The following VIRMA variants were observed in gnomAD, a reference collection of about 807,000 sequenced individuals.
The protein encoded by VIRMA is vir like m6A methyltransferase associated.
In VIRMA, 65 loss-of-function variants were observed where a neutral mutation model predicts 182.4. The ratio of observed to expected loss-of-function variants is 0.36; its 90% CI spans 0.29 to 0.44. The LOEUF is 0.44. Among genes scored for constraint, VIRMA ranks in the 20% least tolerant of loss-of-function variants. The pLI is 1.00. For synonymous variants in VIRMA, 709 were observed against 743.1 expected, an observed-to-expected ratio of 0.95 and a Z score of 0.75; for missense variants, 1,752 against 2,158.1, an observed-to-expected ratio of 0.81 and a Z score of 3.73.
At chr8:94,534,749 C>A in intron 5 of VIRMA, 90 bp downstream of exon 5, 37 of 1,435,674 alleles carry the variant, frequency 2.6e-5, no homozygotes, top group East Asian at 1.0e-4. Context: ...AAAACAAAAA[C>A]AAAAGGTAAA....
intron 16 of VIRMA, among the ~76,000 whole-genome samples, chr8:94,504,882 G>A (rs1391163034): frequency 1.3e-5 from 2 of 152,126 alleles, no homozygotes; most frequent in African/African-American, 4.8e-5. Context: ...TAGGTTAAGA[G>A]GACTTAGGAC....
In VIRMA at chr8:94,534,531, G is replaced by A. The variant is rs140142168; in HGVS notation, c.484+308C>T. The stretch of plus-strand genomic sequence containing the variant: ...CTTAAGCAAGGTTCAAAAGGTGAAC[G>A]AGGTGTGCTTGCTCACTCTCTCCCA... On this transcript the variant is annotated intron_variant, in intron 5 of 23. Transcript: ENST00000297591. The A allele has an allele frequency of 1.6e-3, 673 of 428,736 alleles. 1 individual carries two copies. Among genetic ancestry groups the A allele is most frequent in the African/African-American group, 0.011 (534 of 49,124 alleles). 26.6% of individuals were successfully genotyped at this position (428,736 alleles called of 1,614,324 possible).
intron 2 of VIRMA, among the ~76,000 whole-genome samples, chr8:94,543,357 C>A (rs553039884): frequency 2.9e-5 from 4 of 138,422 alleles, no homozygotes; most frequent in Admixed American, 7.8e-5. Flanking sequence ...GCCAAGATTG[C>A]GCCATTGCAT....
At position 94,530,994 on chromosome 8, in the gene VIRMA, A is replaced by G. The variant is rs765607414; in HGVS notation, c.576T>C (p.Asp192=). ...GAGGCACAGGATCATCTTCATCATC[A>G]TCAGGTGGAGGGGGTCCTGGAGGAG... ...PRTPPGPPPP[D]DDEDDPVPLP... The change falls in exon 6 of 24, where the codon GAT becomes GAC. Residue 192 remains aspartate, a synonymous_variant. Transcript: ENST00000297591. The G allele has an allele frequency of 2.5e-6, 4 of 1,604,834 alleles. No homozygotes were observed. Among genetic ancestry groups the G allele is most frequent in the Non-Finnish European group, 2.6e-6 (3 of 1,175,888 alleles).
At position 94,553,388 on chromosome 8, in the gene VIRMA, A is replaced by T; in HGVS notation, c.60T>A (p.Ala20=). The part of the protein sequence containing the change: ...LFLDTFKHPS[A]EQSSHIDVVR... Reference sequence around the variant, plus strand: ...GAATCAAGTCGCCAAGCCTTACCTCAGCGCTCGGGTGTTTAAAAGTATCTA... The same window carrying T: ...GAATCAAGTCGCCAAGCCTTACCTCTGCGCTCGGGTGTTTAAAAGTATCTA... The change falls in exon 1 of 24, where the codon GCT becomes GCA. Residue 20 remains alanine (A), a synonymous_variant. Coordinates refer to ENST00000297591, the MANE Select transcript of VIRMA (RefSeq NM_015496.5). 1 of 1,613,932 alleles carries T rather than the reference A, an allele frequency of 6.2e-7. No individual in the cohort carries two copies. Among genetic ancestry groups the T allele is most frequent in the Non-Finnish European group, 8.5e-7 (1 of 1,179,776 alleles).
intron 8 of VIRMA, among the ~76,000 whole-genome samples, chr8:94,525,342 C>A (rs75311065): frequency 6.6e-6 from 1 of 152,230 alleles, no homozygotes; most frequent in East Asian, 1.9e-4. Context: ...TATAATAACA[C>A]TTCCTTTACT....
intron 4 of VIRMA, among the ~76,000 whole-genome samples, chr8:94,536,229 A>C (rs974502706): frequency 1.3e-5 from 2 of 152,266 alleles, no homozygotes; most frequent in Non-Finnish European, 2.9e-5. Flanking sequence ...TGATAGACTG[A>C]ACAGAAATCC....
chr8:94,510,070 T>C, intron 14 of VIRMA, 130 bp from the exon 15 acceptor site: 1 of 804,544 alleles, frequency 1.2e-6, no homozygotes, highest in Non-Finnish European at 1.9e-6. Flanking sequence ...TTGGGTATAA[T>C]GACAAATTCT....
chr8:94,495,545 G>T (rs2130263596), intron 19 of VIRMA, among the ~76,000 whole-genome samples, 186 bp downstream of exon 19: 1 of 136,966 alleles, frequency 7.3e-6, no homozygotes, highest in African/African-American at 2.7e-5. Context: ...AGCTAGCATA[G>T]TTTGTATAAA....
intron 1 of VIRMA, among the ~76,000 whole-genome samples, chr8:94,551,067 T>C (rs979198728): frequency 1.3e-5 from 2 of 152,190 alleles, no homozygotes; most frequent in African/African-American, 4.8e-5. Flanking sequence ...CCATGATCTG[T>C]CTTTGAATTG....
At chr8:94,530,793 T>C (rs1184618378) in intron 6 of VIRMA, among the ~76,000 whole-genome samples, 170 bp downstream of exon 6, 1 of 152,190 alleles carries the variant, frequency 6.6e-6, no homozygotes, top group Non-Finnish European at 1.5e-5. Flanking sequence ...ACACCTGTAG[T>C]CCCAGCTACT....
intron 17 of VIRMA, chr8:94,498,549 A>C (rs1445142502): frequency 6.6e-6 from 1 of 152,220 alleles, no homozygotes; most frequent in Non-Finnish European, 1.5e-5. Flanking sequence ...ATCATAGCTA[A>C]GTTCAGTCTC....
At chr8:94,525,222 T>C (rs1814915785) in intron 8 of VIRMA, among the ~76,000 whole-genome samples, 2 of 152,220 alleles carry the variant, frequency 1.3e-5, no homozygotes, top group African/African-American at 4.8e-5. Flanking sequence ...GGAGAGTTGG[T>C]AGACGAATGC....
chr8:94,513,425 C>CAA (rs34173786), intron 11 of VIRMA, among the ~76,000 whole-genome samples: 128 of 115,010 alleles, frequency 1.1e-3, no homozygotes, highest in Middle Eastern at 4.5e-3. Context: ...GAGTCTAGAC[C>CAA]AAAAAAAAAA....
chr8:94,519,878 G>C (rs1011236899), intron 8 of VIRMA, among the ~76,000 whole-genome samples: 6 of 152,202 alleles, frequency 3.9e-5, no homozygotes, highest in Admixed American at 3.9e-4. Context: ...ATCTGCATTT[G>C]TGGATTAAGC....
intron 13 of VIRMA, 159 bp from the exon 14 acceptor site, chr8:94,510,811 T>G: frequency 1.3e-6 from 1 of 755,464 alleles, no homozygotes; most frequent in Non-Finnish European, 2.1e-6. Context: ...TTGAATTCAA[T>G]GAGTCTAAAA....
intron 4 of VIRMA, among the ~76,000 whole-genome samples, chr8:94,535,681 T>C (rs1815317939): frequency 6.6e-6 from 1 of 151,356 alleles, no homozygotes; most frequent in South Asian, 2.1e-4. Context: ...CTCAGGAGAC[T>C]GAGGGAGAGA....
rs970898106 is a variant in VIRMA, at chr8:94,543,966, G to T, written c.64-24C>A. 3.9e-6 allele frequency: 5 copies of T among 1,275,322 alleles called. No individual in the cohort carries two copies. The African/African-American group carries it at 4.5e-5, about 11-fold the overall frequency. 79.0% of individuals were successfully genotyped at this position (1,275,322 alleles called of 1,614,324 possible). ...TGCTGTAACAAAAAAAAAGCCGGAG[G>T]GGGAGGGGTTCGGAACATTATGTAA... On this transcript the variant is annotated intron_variant, in intron 1 of 23. Transcript: ENST00000297591.
chr8:94,519,613 C>T, intron 8 of VIRMA, 137 bp from the exon 9 acceptor site: 2 of 841,440 alleles, frequency 2.4e-6, no homozygotes, highest in South Asian at 2.9e-5. Context: ...TAACTGAAAA[C>T]ATAATGTGAG....
Sources: gnomAD v4.1 joint callset for allele counts (sites outside exome capture counted in the v4.1 genomes callset) on GRCh38, gnomAD v4.1.1 for gene constraint, MANE v1.5 for transcripts, NCBI Gene and HGNC (gene_info 2026-07-23, HGNC 2026-07-21) for gene names.